KMT2A: variants seen among roughly 807,000 people sequenced by gnomAD.
The protein encoded by KMT2A is histone-lysine N-methyltransferase 2A.
KMT2A carries 16 observed loss-of-function variants against 345.3 expected under a neutral mutation model. The ratio of observed to expected loss-of-function variants is 0.05; its 90% confidence interval spans 0.03 to 0.07. The LOEUF (loss-of-function observed/expected upper bound fraction) is 0.07, where lower values mean the gene tolerates loss of function less well. KMT2A is among the 10% of genes least tolerant of loss of function. The pLI, the probability that KMT2A is intolerant of heterozygous loss-of-function variation, is 1.00. For synonymous variants in KMT2A, 1,599 were observed against 1,778.6 expected (o/e 0.90, Z 2.54); for missense variants, 3,272 against 4,841.6 (o/e 0.68, Z 9.62).
At chr11:118,439,940 T>A (rs1418241676) in intron 1 of KMT2A, among the ~76,000 whole-genome samples, 3 of 151,812 alleles carry the variant, frequency 2.0e-5, no homozygotes, top group Admixed American at 2.0e-4. Flanking sequence ...TTTTTTTTTT[T>A]AACATAGCCT....
Position 118,518,162 on chromosome 11 carries a change from C to T in KMT2A, c.11147-1456C>T, listed in dbSNP as rs551065396. Among the ~76,000 whole-genome samples, 14 of 152,172 alleles carry T rather than the reference C, an allele frequency of 9.2e-5. No homozygotes were observed. The East Asian group carries it at 2.3e-3, about 25-fold the overall frequency. ...CTATTAATAATACCAAACCAGTATT[C>T]GTAAATGAAATAATATTGTTTACTT... On this transcript the variant is annotated intron_variant, in intron 31 of 35. Coordinates refer to ENST00000534358, the MANE Select transcript of KMT2A (RefSeq NM_001197104.2).
intron 1 of KMT2A, among the ~76,000 whole-genome samples, chr11:118,458,390 A>G (rs961920819): frequency 1.3e-5 from 2 of 152,210 alleles, no homozygotes; most frequent in Non-Finnish European, 2.9e-5. Flanking sequence ...TCCTGCCCCT[A>G]TACATTCTTA....
chr11:118,510,107 A>G lies in KMT2A; in HGVS notation c.11060A>G (p.Glu3687Gly). The G allele has an allele frequency of 1.2e-6, 2 of 1,609,758 alleles. No individual in the cohort carries two copies. The highest frequency in any genetic ancestry group is 1.7e-6 in the Non-Finnish European group (2 of 1,177,504). The part of the protein sequence containing the change: ...SSDDGFQICA[E>G]SIEDAWKSLT... The stretch of plus-strand genomic sequence containing the variant: ...GATGATGGCTTTCAGATCTGTGCAG[A>G]AAGTATTGAAGGTGAGTGGATTAAA... The change falls in exon 30 of 36, where the codon GAA becomes GGA. Residue 3687 changes from glutamate to glycine, a missense_variant. By Grantham distance (98) the Glu-to-Gly change is moderately conservative. Around this residue, in one of 27 missense-constraint regions of KMT2A, gnomAD observed 72 missense variants for 135.6 expected, o/e 0.53. Transcript: ENST00000534358. This position sits in a 1 kb window ranked among gnomAD's most constrained non-coding sequence, Gnocchi z 4.1.
chr11:118,475,655 G>A (rs937172611), intron 3 of KMT2A, among the ~76,000 whole-genome samples: 2 of 151,868 alleles, frequency 1.3e-5, no homozygotes, highest in Admixed American at 6.6e-5. Context: ...CCCGGGAGGC[G>A]GAGGTTGCAG....
intron 25 of KMT2A, 98 bp from the exon 26 acceptor site, chr11:118,501,574 T>C (rs1950501446): frequency 1.0e-6 from 1 of 998,080 alleles, no homozygotes; most frequent in Non-Finnish European, 1.5e-6. Context: ...CATTTGCTTC[T>C]AGTTTTACAT....
intron 22 of KMT2A, 103 bp from the exon 23 acceptor site, chr11:118,499,199 GC>G: frequency 1.3e-6 from 1 of 754,428 alleles, no homozygotes; most frequent in Non-Finnish European, 2.4e-6. Flanking sequence ...ACAGAAGGAT[GC>G]TTTTGAGATA....
chr11:118,458,147 G>T (rs868955123), intron 1 of KMT2A: 2 of 390,358 alleles, frequency 5.1e-6, no homozygotes, highest in African/African-American at 2.1e-5. Flanking sequence ...GCAGTGTCTC[G>T]ATCACAGTTC....
chr11:118,486,065 A>C (rs2134318627), intron 10 of KMT2A, among the ~76,000 whole-genome samples: 1 of 152,338 alleles, frequency 6.6e-6, no homozygotes, highest in South Asian at 2.1e-4. Flanking sequence ...CCTGGGCGAC[A>C]GAGCAAGACT....
In KMT2A at chr11:118,490,362, C is replaced by G; in HGVS notation, c.4696+113C>G. 8.9e-7 allele frequency: 1 copy of G among 1,119,866 alleles called. No individual in the cohort carries two copies. The highest frequency in any genetic ancestry group is 2.7e-5 in the East Asian group (1 of 36,880). 69.4% of individuals were successfully genotyped at this position (1,119,866 alleles called of 1,614,324 possible). A position where few individuals can be genotyped will look rare whatever the true frequency, so the allele number is the denominator to read the frequency against. ...AGTCTCACACATTATGTCAAGGATACCATTTAGACACATTTCCTAAGTTCC... is the reference window on the plus strand; with the variant it reads ...AGTCTCACACATTATGTCAAGGATAGCATTTAGACACATTTCCTAAGTTCC... On this transcript the variant is annotated intron_variant, in intron 13 of 35. Coordinates refer to ENST00000534358, the MANE Select transcript of KMT2A (RefSeq NM_001197104.2). This position sits in a 1 kb window ranked among gnomAD's most constrained non-coding sequence, Gnocchi z 4.2.
At chr11:118,509,306 T>C in intron 29 of KMT2A, 106 bp downstream of exon 29, 2 of 921,030 alleles carry the variant, frequency 2.2e-6, no homozygotes, top group Non-Finnish European at 3.3e-6. Context: ...AAAAAAAATC[T>C]AAGCTCCAAA....
intron 27 of KMT2A, among the ~76,000 whole-genome samples, chr11:118,507,005 T>C (rs1591287958): frequency 6.6e-6 from 1 of 152,208 alleles, no homozygotes; most frequent in Admixed American, 6.5e-5. Flanking sequence ...TTTAAAACTT[T>C]ATCATTGAAA....
rs1030954200 is a variant in KMT2A at position 118,495,618 on chromosome 11, G to A, written c.5364-82G>A. ...TGAATGGCTCCTACATGGGGCAACAGGTGATATCAAGAATTTATTTTATAC... is the reference window on the plus strand; with the variant it reads ...TGAATGGCTCCTACATGGGGCAACAAGTGATATCAAGAATTTATTTTATAC... On this transcript the variant is annotated intron_variant, in intron 18 of 35. Coordinates refer to ENST00000534358, the MANE Select transcript of KMT2A (RefSeq NM_001197104.2). The surrounding 1 kb of genome is among the most constrained non-coding windows in gnomAD (Gnocchi z 4.1). 7 of 1,082,616 alleles carry A rather than the reference G, an allele frequency of 6.5e-6. 1 individual carries two copies. The South Asian group carries it at 9.7e-5, about 15-fold the overall frequency. 67.1% of individuals were successfully genotyped at this position (1,082,616 alleles called of 1,614,324 possible). A position where few individuals can be genotyped will look rare whatever the true frequency, so the allele number is the denominator to read the frequency against.
chr11:118,504,373 T>C lies in KMT2A; in HGVS notation c.8481T>C (p.Tyr2827=), dbSNP rs1010253909. ...CCGACAAAAATTTACTGGACACCTA[T>C]AATACTGAGCTCCTGAAATCAGATT... ...TPSDKNLLDT[Y]NTELLKSDSD... Residue 2827 remains tyrosine, a synonymous_variant, in exon 27 of 36, where the codon TAT becomes TAC. Transcript: ENST00000534358. This position sits in a 1 kb window ranked among gnomAD's most constrained non-coding sequence, Gnocchi z 6.4. 3.1e-6 allele frequency: 5 copies of C among 1,614,204 alleles called. No homozygotes were observed. The highest frequency in any genetic ancestry group is 3.4e-6 in the Non-Finnish European group (4 of 1,180,024).
rs1329252962 is a variant in KMT2A, at chr11:118,522,219, C to A, written c.*47C>A. 2 of 1,597,578 alleles carry A rather than the reference C, an allele frequency of 1.3e-6. No individual in the cohort carries two copies. The highest frequency in any genetic ancestry group is 2.2e-5 in the East Asian group (1 of 44,650). ...TTGGAGTGCAAGGAGGCGGGGCCAT[C>A]CAAAGCAACGCTGAAGGCCTTTTCC... On this transcript the variant is annotated 3_prime_UTR_variant, in exon 36 of 36. Transcript: ENST00000534358. The surrounding 1 kb of genome is among the most constrained non-coding windows in gnomAD (Gnocchi z 5.4).
Position 118,481,801 on chromosome 11 carries a change from A to G in KMT2A, c.3721A>G (p.Ser1241Gly). 1 of 1,614,246 alleles carries G rather than the reference A, an allele frequency of 6.2e-7. No homozygotes were observed. The highest frequency in any genetic ancestry group is 2.2e-5 in the East Asian group (1 of 44,890). ...TGTTGTGAAGAACGTGGTGGACTCT[A>G]GTCAGAAACCTACCCCATCAGCAAG... ...SSVVKNVVDS[S>G]QKPTPSARED... Residue 1241 changes from serine to glycine, a missense_variant, in exon 7 of 36, where the codon AGT (serine) becomes GGT (glycine). Around this residue, in one of 27 missense-constraint regions of KMT2A, gnomAD observed 168 missense variants for 216.0 expected, o/e 0.78. Transcript: ENST00000534358.
chr11:118,526,597 A>G lies in KMT2A; in HGVS notation c.*4425A>G. The G allele has an allele frequency of 4.3e-6, 1 of 231,606 alleles. No homozygotes were observed. Among genetic ancestry groups the G allele is most frequent in the Non-Finnish European group, 8.5e-6 (1 of 117,084 alleles). 14.3% of individuals were successfully genotyped at this position (231,606 alleles called of 1,614,324 possible). A position where few individuals can be genotyped will look rare whatever the true frequency, so the allele number is the denominator to read the frequency against. ...GTTAGAGAAAAAGAGAAAAAAAAAA[A>G]AGGAAAATGTGTCTAAAGTCCATCA... On this transcript the variant is annotated 3_prime_UTR_variant, in exon 36 of 36. Coordinates refer to ENST00000534358, the MANE Select transcript of KMT2A (RefSeq NM_001197104.2).
In KMT2A at chr11:118,469,208, C is replaced by G. The variant is rs1305165982; in HGVS notation, c.502+364C>G. ...GCCACATTGGGTTTATTCTTTCTCT[C>G]TGGGAACTACTTGGGGCATGGGAAG... On this transcript the variant is annotated intron_variant, in intron 2 of 35. Transcript: ENST00000534358. Among the ~76,000 whole-genome samples the G allele has an allele frequency of 2.1e-5, 3 of 144,612 alleles. No homozygotes were observed. In the Admixed American group the frequency reaches 2.2e-4, roughly 10 times the overall value. The allele number at this position is 144,612 out of a possible 152,430, so 94.9% of individuals were successfully genotyped here.
chr11:118,487,002 A>G (rs1199385781), intron 10 of KMT2A, among the ~76,000 whole-genome samples: 8 of 152,238 alleles, frequency 5.3e-5, no homozygotes, highest in Admixed American at 4.6e-4. Flanking sequence ...CCCACTTGCC[A>G]TTTGAAGTTA....
Position 118,505,384 on chromosome 11 carries a change from C to T in KMT2A, c.9492C>T (p.His3164=), listed in dbSNP as rs1950563441. 1 of 1,614,170 alleles carries T rather than the reference C, an allele frequency of 6.2e-7. No homozygotes were observed. Among genetic ancestry groups the T allele is most frequent in the African/African-American group, 1.3e-5 (1 of 75,046 alleles). ...KGLLPMSHHQ[H]LHSFPAATQS... ...TGCTACCCATGTCTCATCACCAGCACTTACATTCCTTCCCTGCAGCTACTC... is the reference window on the plus strand; with the variant it reads ...TGCTACCCATGTCTCATCACCAGCATTTACATTCCTTCCCTGCAGCTACTC... The change falls in exon 27 of 36, where the codon CAC becomes CAT. Residue 3164 remains histidine (H), a synonymous_variant. Transcript: ENST00000534358. The surrounding 1 kb of genome is among the most constrained non-coding windows in gnomAD (Gnocchi z 4.6).
Sources: allele counts gnomAD v4.1 joint callset (sites outside exome capture counted in the v4.1 genomes callset), GRCh38; gene constraint gnomAD v4.1.1; regional missense constraint gnomAD v4.1.1; non-coding constraint Gnocchi (gnomAD v3.1); transcripts MANE v1.5; gene names NCBI Gene and HGNC (gene_info 2026-07-23, HGNC 2026-07-21).